The following MGLL variants were observed in gnomAD, a reference collection of about 807,000 sequenced individuals.
MGLL encodes the protein lysophospholipase homolog.
A neutral mutation model predicts 29.1 loss-of-function variants in MGLL; 7 were observed. The ratio of observed to expected loss-of-function variants is 0.24; its 90% CI spans 0.14 to 0.45. The LOEUF (loss-of-function observed/expected upper bound fraction) is 0.45. Among genes scored for constraint, MGLL ranks in the 20% least tolerant of loss-of-function variants. The pLI, the probability that MGLL is intolerant of heterozygous loss-of-function variation, is 0.99. For missense variants in MGLL, 356 were observed against 413.6 expected, an observed-to-expected ratio of 0.86 and a Z score of 1.21; for synonymous variants, 148 against 168.3, an observed-to-expected ratio of 0.88 and a Z score of 0.93.
chr3:127,727,286 T>C (rs1439373568), intron 3 of MGLL, among the ~76,000 whole-genome samples: 1 of 152,218 alleles, frequency 6.6e-6, no homozygotes, highest in African/African-American at 2.4e-5. Flanking sequence ...GAGTGTCCAA[T>C]GCCACCGAGG....
At chr3:127,741,924 A>C (rs1195218951) in intron 3 of MGLL, among the ~76,000 whole-genome samples, 1 of 151,432 alleles carries the variant, frequency 6.6e-6, no homozygotes, top group Non-Finnish European at 1.5e-5. Context: ...CTGACTGTAT[A>C]ATATCCCATC....
At chr3:127,792,254 T>C (rs1167056733) in intron 2 of MGLL, among the ~76,000 whole-genome samples, 4 of 152,198 alleles carry the variant, frequency 2.6e-5, no homozygotes, top group African/African-American at 9.7e-5. Context: ...AAAAGTCCAT[T>C]GCTGTGGTCC....
At chr3:127,787,304 G>C (rs368285633) in intron 2 of MGLL, among the ~76,000 whole-genome samples, 1 of 152,308 alleles carries the variant, frequency 6.6e-6, no homozygotes, top group Non-Finnish European at 1.5e-5. Flanking sequence ...CCAGACTCTG[G>C]ACTTGGCTGG....
At chr3:127,752,149 G>A (rs978014291) in intron 3 of MGLL, among the ~76,000 whole-genome samples, 17 of 151,862 alleles carry the variant, frequency 1.1e-4, no homozygotes, top group African/African-American at 3.9e-4. Flanking sequence ...CTAGGCTGGG[G>A]TGCAATGGCC....
chr3:127,737,435 T>C (rs192053450), intron 3 of MGLL, among the ~76,000 whole-genome samples: 17 of 150,544 alleles, frequency 1.1e-4, no homozygotes, highest in African/African-American at 4.1e-4. Context: ...AGGGAATGGA[T>C]GATGGCTAGC....
intron 3 of MGLL, among the ~76,000 whole-genome samples, chr3:127,748,641 C>T (rs973066351): frequency 3.0e-4 from 45 of 151,836 alleles, no homozygotes; most frequent in African/African-American, 9.7e-4. Flanking sequence ...AGGGAGAAGA[C>T]GGCCACTTAC....
At chr3:127,753,364 T>C (rs1559946337) in intron 3 of MGLL, among the ~76,000 whole-genome samples, 1 of 152,354 alleles carries the variant, frequency 6.6e-6, no homozygotes, top group African/African-American at 2.4e-5. Context: ...GTCCTTGATG[T>C]GACCAGTTTT....
At chr3:127,786,437 A>G (rs1202767059) in intron 2 of MGLL, among the ~76,000 whole-genome samples, 1 of 152,162 alleles carries the variant, frequency 6.6e-6, no homozygotes, top group East Asian at 1.9e-4. Context: ...TTTTCCTGGA[A>G]CTTCTTTAAC....
At position 127,761,298 on chromosome 3, in the gene MGLL, A is replaced by C. The variant is rs2076759945; in HGVS notation, c.262+20491T>G. 6.6e-6 allele frequency among the ~76,000 whole-genome samples: 1 copy of C among 152,226 alleles called. No homozygotes were observed. The highest frequency in any genetic ancestry group is 6.5e-5 in the Admixed American group (1 of 15,290). ...CGTCACTTTCCAGGGCCCACTGGGC[A>C]AACTGGCTTCTCCCCTGCTGCTGTG... On this transcript the variant is annotated intron_variant, in intron 3 of 7. Transcript: ENST00000265052. This position sits in a 1 kb window ranked among gnomAD's most constrained non-coding sequence, Gnocchi z 4.6.
intron 5 of MGLL, chr3:127,712,676 C>T (rs1191768950): frequency 6.6e-6 from 1 of 152,308 alleles, no homozygotes; most frequent in Non-Finnish European, 1.5e-5. Context: ...AGTATAGAAG[C>T]ATGCGGCAGC....
At chr3:127,709,407 G>C (rs1216110050) in intron 6 of MGLL, among the ~76,000 whole-genome samples, 37 of 152,182 alleles carry the variant, frequency 2.4e-4, no homozygotes. Context: ...TTTTTAAGCA[G>C]CTGGCCCTCA....
chr3:127,819,226 T>G (rs1041219685), intron 2 of MGLL, among the ~76,000 whole-genome samples: 6 of 152,176 alleles, frequency 3.9e-5, no homozygotes, highest in African/African-American at 1.2e-4. Flanking sequence ...GCAGAGCCAG[T>G]CTTGGAACCC....
intron 3 of MGLL, among the ~76,000 whole-genome samples, chr3:127,754,211 C>T (rs550320597): frequency 7.2e-4 from 110 of 152,292 alleles, no homozygotes; most frequent in Non-Finnish European, 1.4e-3. Flanking sequence ...GGTCACGACC[C>T]GCCAGGCACT....
At chr3:127,746,939 TG>T (rs2076457363) in intron 3 of MGLL, among the ~76,000 whole-genome samples, 3 of 152,190 alleles carry the variant, frequency 2.0e-5, no homozygotes, top group African/African-American at 7.2e-5. Context: ...AGCTGGTCCC[TG>T]GGGTGGCTCC....
chr3:127,785,168 C>A (rs1405850313), intron 2 of MGLL, among the ~76,000 whole-genome samples: 2 of 152,114 alleles, frequency 1.3e-5, no homozygotes, highest in East Asian at 1.9e-4. Context: ...TGTGAGCACA[C>A]CCCTCCTCCT....
At chr3:127,759,116 G>A (rs2076716221) in intron 3 of MGLL, among the ~76,000 whole-genome samples, 1 of 151,938 alleles carries the variant, frequency 6.6e-6, no homozygotes, top group African/African-American at 2.4e-5. Flanking sequence ...GTAGAGATGA[G>A]GTTTCGCCAT....
intron 3 of MGLL, among the ~76,000 whole-genome samples, chr3:127,775,272 A>G (rs747359841): frequency 2.6e-5 from 4 of 152,334 alleles, no homozygotes; most frequent in Non-Finnish European, 5.9e-5. Flanking sequence ...AACTCACTCC[A>G]TTATTTTAAT....
rs868844221 is a variant in MGLL, at chr3:127,694,284, A to T, written c.816+691T>A. On this transcript the variant is annotated intron_variant, in intron 7 of 7. Coordinates refer to ENST00000265052, the MANE Select transcript of MGLL (RefSeq NM_007283.7). ...TACTCTGTCTGAAAAAAAAAAAAAA[A>T]AAATATATATATATATATATATATG... Among the ~76,000 whole-genome samples, 389 of 105,990 alleles carry T rather than the reference A, an allele frequency of 3.7e-3. 4 individuals are homozygous for T. Among genetic ancestry groups the T allele is most frequent in the African/African-American group, 9.4e-3 (283 of 30,074 alleles). The allele number at this position is 105,990 out of a possible 152,430, so 69.5% of individuals were successfully genotyped here. A position where few individuals can be genotyped will look rare whatever the true frequency, so the allele number is the denominator to read the frequency against.
intron 2 of MGLL, among the ~76,000 whole-genome samples, chr3:127,804,479 C>T (rs73862355): frequency 0.031 from 4,674 of 152,278 alleles, 245 homozygotes; most frequent in African/African-American, 0.11. Flanking sequence ...AATGAGTGAG[C>T]CTAAGTCCCC....
Sources: gnomAD v4.1 joint callset for allele counts (sites outside exome capture counted in the v4.1 genomes callset) on GRCh38, gnomAD v4.1.1 for gene constraint, Gnocchi (gnomAD v3.1) non-coding constraint, MANE v1.5 for transcripts, NCBI Gene and HGNC (gene_info 2026-07-23, HGNC 2026-07-21) for gene names.